NOMO2: variants seen among roughly 807,000 people sequenced by gnomAD.
NOMO2 encodes NODAL modulator 2, also known as BOS complex subunit NOMO2.
Under a neutral mutation model 67.1 loss-of-function variants are expected in NOMO2, and 14 were observed. The ratio of observed to expected loss-of-function variants is 0.21; its 90% CI spans 0.14 to 0.33. NOMO2 has a LOEUF of 0.33. Ranked by LOEUF, NOMO2 falls within the 10% of genes least tolerant of loss-of-function variation. The pLI is 1.00. For synonymous variants in NOMO2, 80 were observed against 305.9 expected, an observed-to-expected ratio of 0.26 and a Z score of 7.71; for missense variants, 178 against 761.0, an observed-to-expected ratio of 0.23 and a Z score of 9.01.
intron 2 of NOMO2, among the ~76,000 whole-genome samples, chr16:18,557,189 G>C (rs1901927248): frequency 6.6e-6 from 1 of 152,004 alleles, no homozygotes; most frequent in African/African-American, 2.4e-5. Context: ...TATCACTACA[G>C]AGGGAGGTAA....
intron 3 of NOMO2, among the ~76,000 whole-genome samples, chr16:18,552,913 A>T (rs1025998991): frequency 6.6e-6 from 1 of 152,066 alleles, no homozygotes; most frequent in African/African-American, 2.4e-5. Context: ...TTAGTGGCCA[A>T]AATCGGTAAG....
Position 18,533,070 on chromosome 16 carries a change from T to C in NOMO2, c.1330A>G (p.Thr444Ala). The C allele has an allele frequency of 6.2e-7, 1 of 1,606,654 alleles. No homozygotes were observed. Among genetic ancestry groups the C allele is most frequent in the Non-Finnish European group, 8.5e-7 (1 of 1,178,840 alleles). Reference protein sequence around the residue: ...SSQDKDKSLVTVETDAHGSFC... With the variant: ...SSQDKDKSLVAVETDAHGSFC... ...GATCCATGAGCATCTGTCTCCACGG[T>C]GACCAAAGACTTGTCCTTGTCTTGA... The change falls in exon 12 of 31, where the codon ACC (threonine) becomes GCC (alanine). Residue 444 changes from threonine to alanine, a missense_variant. By Grantham distance (58) the Thr-to-Ala change is moderately conservative. Coordinates refer to ENST00000622306, the MANE Select transcript of NOMO2 (RefSeq NM_173614.4).
intron 4 of NOMO2, among the ~76,000 whole-genome samples, chr16:18,551,178 T>TAAAAAAA (rs1901778981): frequency 6.6e-6 from 1 of 151,664 alleles, no homozygotes; most frequent in Admixed American, 6.6e-5. Context: ...TGTCTCAAAA[T>TAAAAAAA]AAAAAATAAA....
At chr16:18,561,559 A>AATGGAGTCTGGGCTCCAGGGAAT (rs1422792247) in intron 1 of NOMO2, among the ~76,000 whole-genome samples, 2 of 150,530 alleles carry the variant, frequency 1.3e-5, no homozygotes, top group African/African-American at 4.9e-5. Flanking sequence ...GTTTTAAAGA[A>AATGGAGTCTGGGCTCCAGGGAAT]ATGGAGTCTG....
chr16:18,544,606 G>T (rs1901623866), intron 6 of NOMO2, among the ~76,000 whole-genome samples: 1 of 151,924 alleles, frequency 6.6e-6, no homozygotes, highest in East Asian at 1.9e-4. Flanking sequence ...TCCACTTTCT[G>T]TCCGTCACTT....
chr16:18,531,395 T>C, intron 13 of NOMO2, 71 bp downstream of exon 13: 6 of 1,612,426 alleles, frequency 3.7e-6, no homozygotes, highest in Non-Finnish European at 5.1e-6. Flanking sequence ...AAAGGAAAAG[T>C]TTCCCAAATC....
intron 1 of NOMO2, chr16:18,558,895 G>A (rs1393549796): frequency 2.2e-6 from 1 of 454,834 alleles, no homozygotes; most frequent in Admixed American, 2.4e-5. Flanking sequence ...TTTGCGGCCA[G>A]GCATGGTGGC....
At chr16:18,533,686 A>G (rs2141724572) in intron 11 of NOMO2, 1 of 154,286 alleles carries the variant, frequency 6.5e-6, no homozygotes, top group South Asian at 2.0e-4. Flanking sequence ...ATGAAAGCAA[A>G]CTGGGAGATT....
intron 5 of NOMO2, among the ~76,000 whole-genome samples, chr16:18,548,315 AC>A (rs1209347272): frequency 1.3e-5 from 2 of 151,674 alleles, no homozygotes; most frequent in Non-Finnish European, 2.9e-5. Flanking sequence ...CCTGCTACAC[AC>A]CAGGGCTGGA....
At chr16:18,528,478 A>G (rs1901201092) in intron 15 of NOMO2, among the ~76,000 whole-genome samples, 1 of 151,952 alleles carries the variant, frequency 6.6e-6, no homozygotes, top group Non-Finnish European at 1.5e-5. Flanking sequence ...TTCTCTACAG[A>G]GAAACTAAGA....
At chr16:18,534,107 C>T (rs1310257745) in intron 11 of NOMO2, among the ~76,000 whole-genome samples, 2 of 151,732 alleles carry the variant, frequency 1.3e-5, no homozygotes, top group African/African-American at 4.8e-5. Context: ...ACCACCACTC[C>T]GCCTCAAATA....
chr16:18,553,560 G>A (rs1280481273), intron 3 of NOMO2, among the ~76,000 whole-genome samples: 1 of 151,154 alleles, frequency 6.6e-6, no homozygotes, highest in African/African-American at 2.4e-5. Flanking sequence ...GACTTCTGGG[G>A]TGCTGGTGAA....
At chr16:18,542,347 ACAAGGGGTTCAGACAGAC>A (rs1477215761) in intron 8 of NOMO2, 86 bp from the exon 9 acceptor site, 3 of 610,058 alleles carry the variant, frequency 4.9e-6, no homozygotes, top group Non-Finnish European at 8.9e-6. Flanking sequence ...CCCACAAATG[ACAAGGGGTTCAGACAGAC>A]CAAGAGAAAC....
chr16:18,558,021 T>G (rs1275730039), intron 1 of NOMO2, among the ~76,000 whole-genome samples: 3 of 151,792 alleles, frequency 2.0e-5, no homozygotes, highest in Non-Finnish European at 4.4e-5. Context: ...TACAATGCCT[T>G]ATTTTTCAAT....
At chr16:18,533,536 G>A (rs575863736) in intron 11 of NOMO2, 2 of 198,858 alleles carry the variant, frequency 1.0e-5, no homozygotes, top group East Asian at 1.3e-4. Context: ...ACAGCGGAGC[G>A]GCCTTGGACT....
At chr16:18,562,109 G>T (rs1902072001), upstream of NOMO2, 1 of 1,349,170 alleles carries the variant, frequency 7.4e-7, no homozygotes, top group Non-Finnish European at 9.5e-7. Flanking sequence ...CACGCCGCAG[G>T]CTCCTTCCTC....
intron 11 of NOMO2, among the ~76,000 whole-genome samples, chr16:18,535,800 C>CT (rs1491139578): frequency 2.0e-5 from 3 of 151,870 alleles, no homozygotes; most frequent in African/African-American, 7.3e-5. Flanking sequence ...CAACTGATAA[C>CT]TCTTTTTTTT....
At chr16:18,529,355 T>A in intron 15 of NOMO2, 146 bp downstream of exon 15, 1 of 1,551,548 alleles carries the variant, frequency 6.4e-7, no homozygotes, top group Non-Finnish European at 8.8e-7. Context: ...TTCCTGATTA[T>A]GCGTTGCGTA....
At chr16:18,526,434 T>C (rs439727) in intron 16 of NOMO2, among the ~76,000 whole-genome samples, 43 of 151,860 alleles carry the variant, frequency 2.8e-4, no homozygotes, top group African/African-American at 5.1e-4. Context: ...ACAAGAAAAA[T>C]GAAAACATAC....
Sources: gnomAD v4.1 joint callset for allele counts (sites outside exome capture counted in the v4.1 genomes callset) on GRCh38, gnomAD v4.1.1 for gene constraint, MANE v1.5 for transcripts, NCBI Gene and HGNC (gene_info 2026-07-23, HGNC 2026-07-21) for gene names.